Variants in CALD1 observed in about 807,000 individuals in gnomAD.
The protein encoded by CALD1 is caldesmon.
A neutral mutation model predicts 99.9 loss-of-function variants in CALD1; 33 were observed. That is an observed-to-expected ratio of 0.33 (90% confidence interval 0.25 to 0.44). The LOEUF is 0.44. Among genes scored for constraint, CALD1 ranks in the 20% least tolerant of loss-of-function variants. The pLI, the probability that CALD1 is intolerant of heterozygous loss-of-function variation, is 1.00. For missense variants in CALD1, 861 were observed against 962.1 expected, an observed-to-expected ratio of 0.89 and a Z score of 1.39; for synonymous variants, 310 against 325.0, an observed-to-expected ratio of 0.95 and a Z score of 0.50.
intron 3 of CALD1, among the ~76,000 whole-genome samples, chr7:134,876,157 G>A (rs1801339802): frequency 1.3e-5 from 2 of 152,132 alleles, no homozygotes; most frequent in Non-Finnish European, 1.5e-5. Flanking sequence ...ACCAAACTTG[G>A]CACTTACATT....
chr7:134,797,034 C>CT (rs1251510068), intron 1 of CALD1, among the ~76,000 whole-genome samples: 45 of 149,668 alleles, frequency 3.0e-4, no homozygotes, highest in African/African-American at 8.4e-4. Context: ...TTCTTTTTTT[C>CT]TTTTTTTTGA....
chr7:134,965,250 T>C, intron 13 of CALD1, 56 bp from the exon 14 acceptor site: 2 of 842,242 alleles, frequency 2.4e-6, no homozygotes, highest in Non-Finnish European at 4.2e-6. Context: ...TATTTAGAGC[T>C]GGCTAGAAAA....
intron 3 of CALD1, among the ~76,000 whole-genome samples, chr7:134,901,162 G>T (rs1802966133): frequency 6.6e-6 from 1 of 150,606 alleles, no homozygotes; most frequent in Admixed American, 6.6e-5. Context: ...GTAGGGAGAA[G>T]TAGGGTTTTT....
the CALD1 span, among the ~76,000 whole-genome samples, chr7:134,738,850 C>T: frequency 3.3e-5 from 5 of 152,160 alleles, no homozygotes; most frequent in South Asian, 2.1e-4. Flanking sequence ...AAGAGAATAG[C>T]GCAACAGTTC....
At chr7:134,829,541 C>G (rs1305673835) in intron 1 of CALD1, among the ~76,000 whole-genome samples, 2 of 152,042 alleles carry the variant, frequency 1.3e-5, no homozygotes, top group Non-Finnish European at 2.9e-5. Flanking sequence ...CCAGTAAGCT[C>G]TAGATCCATG....
chr7:134,822,698 A>G (rs988512117), intron 1 of CALD1, among the ~76,000 whole-genome samples: 1 of 152,176 alleles, frequency 6.6e-6, no homozygotes, highest in African/African-American at 2.4e-5. Flanking sequence ...AAAACCTCTC[A>G]TCTTACCATC....
rs116373984 is a variant in CALD1 at position 134,830,734 on chromosome 7, A to G, written c.-129-13150A>G. Among the ~76,000 whole-genome samples the G allele has an allele frequency of 4.8e-3, 738 of 152,320 alleles. 7 individuals carry two copies. The highest frequency in any genetic ancestry group is 0.016 in the African/African-American group (670 of 41,576). ...AACTCCATCCATGTCCCTGAGAAGG[A>G]TATGATCTCAAACCAGATTTTTAAA... On this transcript the variant is annotated intron_variant, in intron 1 of 14. Coordinates refer to ENST00000361675, the MANE Select transcript of CALD1 (RefSeq NM_033138.4).
upstream of CALD1, among the ~76,000 whole-genome samples, chr7:134,742,048 G>C (rs200234061): frequency 5.7e-4 from 51 of 89,722 alleles, no homozygotes; most frequent in South Asian, 1.3e-3. Flanking sequence ...CACACACACA[G>C]ACACACACAT....
chr7:134,880,986 G>T (rs1430867293), intron 3 of CALD1, among the ~76,000 whole-genome samples: 1 of 152,156 alleles, frequency 6.6e-6, no homozygotes, highest in African/African-American at 2.4e-5. Flanking sequence ...AGTGCCTCAT[G>T]TCATATAAAT....
chr7:134,716,422 T>C, the CALD1 span, among the ~76,000 whole-genome samples: 5 of 152,210 alleles, frequency 3.3e-5, no homozygotes, highest in African/African-American at 1.2e-4. Context: ...TGGACAAGAC[T>C]CTGTGTTGCT....
chr7:134,716,445 G>A, the CALD1 span, among the ~76,000 whole-genome samples: 3 of 152,176 alleles, frequency 2.0e-5, no homozygotes, highest in Non-Finnish European at 2.9e-5. Flanking sequence ...CTTTTGTATT[G>A]TAAGTCCATG....
intron 1 of CALD1, among the ~76,000 whole-genome samples, chr7:134,752,696 G>A (rs1363699241): frequency 6.6e-6 from 1 of 152,036 alleles, no homozygotes; most frequent in East Asian, 1.9e-4. Flanking sequence ...TCTTAGCACC[G>A]ATTATCAAAA....
At chr7:134,959,186 AT>A (rs1425575995) in intron 11 of CALD1, among the ~76,000 whole-genome samples, 1 of 150,744 alleles carries the variant, frequency 6.6e-6, no homozygotes, top group Admixed American at 6.6e-5. Flanking sequence ...TTTTATTTTT[AT>A]TTTTATTTTT....
chr7:134,834,103 A>T (rs753748766), intron 1 of CALD1, among the ~76,000 whole-genome samples: 5 of 152,252 alleles, frequency 3.3e-5, no homozygotes, highest in African/African-American at 1.2e-4. Context: ...ACGTCAGAGT[A>T]GCAACAATAC....
At chr7:134,925,672 A>T (rs1452306854) in intron 3 of CALD1, among the ~76,000 whole-genome samples, 1 of 152,172 alleles carries the variant, frequency 6.6e-6, no homozygotes, top group African/African-American at 2.4e-5. Flanking sequence ...CGAGCACAGC[A>T]TGAGGGAACC....
chr7:134,868,292 G>T (rs1800898202), intron 3 of CALD1: 1 of 152,630 alleles, frequency 6.6e-6, no homozygotes, highest in South Asian at 2.1e-4. Context: ...CATAGTACAG[G>T]TTAATAACGG....
rs1797172752 is a variant in CALD1 at position 134,783,126 on chromosome 7, C to T, written c.-130+3377C>T. Among the ~76,000 whole-genome samples the T allele has an allele frequency of 6.6e-6, 1 of 152,186 alleles. No homozygotes were observed. The highest frequency in any genetic ancestry group is 2.4e-5 in the African/African-American group (1 of 41,432). ...TGGAATGAACCCCGGAACGTCATGC[C>T]TGGGCCTTGTAGGAAGGGCAAGGAA... On this transcript the variant is annotated intron_variant, in intron 1 of 14. Coordinates refer to ENST00000361675, the MANE Select transcript of CALD1 (RefSeq NM_033138.4). This position sits in a 1 kb window ranked among gnomAD's most constrained non-coding sequence, Gnocchi z 4.3.
chr7:134,891,570 T>G, intron 3 of CALD1: 1 of 1,575,968 alleles, frequency 6.3e-7, no homozygotes, highest in Non-Finnish European at 8.6e-7. Flanking sequence ...CCGCCCGGCC[T>G]GGCCAGGTCT....
intron 3 of CALD1, among the ~76,000 whole-genome samples, chr7:134,924,647 C>A (rs1804858035): frequency 6.6e-6 from 1 of 151,988 alleles, no homozygotes; most frequent in Non-Finnish European, 1.5e-5. Context: ...TTTTTTTGTT[C>A]TTAACTTTGT....
Sources: gnomAD v4.1 joint callset for allele counts (sites outside exome capture counted in the v4.1 genomes callset) on GRCh38, gnomAD v4.1.1 for gene constraint, Gnocchi (gnomAD v3.1) non-coding constraint, MANE v1.5 for transcripts, NCBI Gene and HGNC (gene_info 2026-07-23, HGNC 2026-07-21) for gene names.